The following AKTIP variants were observed in gnomAD, a reference collection of about 807,000 sequenced individuals.
AKTIP encodes AKT-interacting protein.
In AKTIP, 16 loss-of-function variants were observed where a neutral mutation model predicts 39.1. The observed-to-expected ratio is 0.41, with a 90% CI of 0.28 to 0.62. AKTIP has a LOEUF of 0.62. Among genes scored for constraint, AKTIP ranks in the 20% least tolerant of loss-of-function variants. The pLI, the probability that AKTIP is intolerant of heterozygous loss-of-function variation, is 0.32. For synonymous variants in AKTIP, 93 were observed against 124.3 expected (o/e 0.75, Z 1.67); for missense variants, 262 against 356.6 (o/e 0.73, Z 2.14).
At chr16:53,492,813 T>G (rs1961574192) in intron 8 of AKTIP, 60 bp from the exon 9 acceptor site, 2 of 1,515,966 alleles carry the variant, frequency 1.3e-6, no homozygotes, top group South Asian at 1.1e-5. Context: ...TCTATAACAT[T>G]CATTTTGCAG....
chr16:53,498,737 C>A lies in AKTIP; in HGVS notation c.43-141G>T, dbSNP rs1961991484. The A allele has an allele frequency of 4.8e-6, 4 of 836,610 alleles. No individual in the cohort carries two copies. The East Asian group carries it at 7.7e-5, about 16-fold the overall frequency. The allele number at this position is 836,610 out of a possible 1,614,324, so 51.8% of individuals were successfully genotyped here. ...ACCATGACCAAGATGACTAGAAAGT[C>A]CTTTGGGCAGGCAGGTCATATAAAG... On this transcript the variant is annotated intron_variant, in intron 2 of 9. Transcript: ENST00000394657.
intron 5 of AKTIP, 127 bp downstream of exon 5, chr16:53,494,943 TCCC>T (rs1291482621): frequency 5.8e-6 from 5 of 868,400 alleles, no homozygotes; most frequent in Non-Finnish European, 7.7e-6. Flanking sequence ...AGCACAGAAG[TCCC>T]CCTGGACAAC....
rs770741588 is a variant in AKTIP, at chr16:53,492,770, G to C, written c.711-17C>G. ...GGAGAAAAGCTTAAGGAAGAGAAAA[G>C]TATTTAAAAACTATTTGTTGGCTCA... On this transcript the variant is annotated splice_polypyrimidine_tract_variant and intron_variant, in intron 8 of 9. Transcript: ENST00000394657. 4.3e-6 allele frequency: 7 copies of C among 1,610,142 alleles called. No homozygotes were observed. The South Asian group carries it at 5.5e-5, about 13-fold the overall frequency.
chr16:53,498,969 C>T (rs548186370), intron 2 of AKTIP, among the ~76,000 whole-genome samples: 1 of 152,354 alleles, frequency 6.6e-6, no homozygotes, highest in South Asian at 2.1e-4. Flanking sequence ...CCAGCACTTA[C>T]ATGCTACAGA....
chr16:53,497,756 T>C (rs145172788), intron 3 of AKTIP, among the ~76,000 whole-genome samples: 28 of 152,370 alleles, frequency 1.8e-4, no homozygotes, highest in African/African-American at 6.7e-4. Flanking sequence ...CCTAATCTAC[T>C]GTAGGTTCTT....
Position 53,493,031 on chromosome 16 carries a change from G to C in AKTIP, c.711-278C>G, listed in dbSNP as rs1397151716. On this transcript the variant is annotated intron_variant, in intron 8 of 9. Transcript: ENST00000394657. ...GTAAATTAATTGCTCTGGGTTACCA[G>C]AGCTAAAAAGTACAAAAGCCACGTA... 4.4e-5 allele frequency: 15 copies of C among 340,724 alleles called. No individual in the cohort carries two copies. In the Admixed American group the frequency reaches 5.9e-4, roughly 14 times the overall value. 21.1% of individuals were successfully genotyped at this position (340,724 alleles called of 1,614,324 possible). A position where few individuals can be genotyped will look rare whatever the true frequency, so the allele number is the denominator to read the frequency against.
chr16:53,498,049 A>G (rs1046350130), intron 3 of AKTIP, among the ~76,000 whole-genome samples: 5 of 152,242 alleles, frequency 3.3e-5, no homozygotes, highest in African/African-American at 9.6e-5. Context: ...TGCCCGGCCA[A>G]TCTACTGTAG....
At chr16:53,497,031 C>T (rs1170590365) in intron 3 of AKTIP, among the ~76,000 whole-genome samples, 1 of 151,986 alleles carries the variant, frequency 6.6e-6, no homozygotes, top group Non-Finnish European at 1.5e-5. Flanking sequence ...TCCTGGGTTC[C>T]AGTGATCCTC....
At chr16:53,501,103 C>T (rs887062677) in intron 1 of AKTIP, 4 of 152,198 alleles carry the variant, frequency 2.6e-5, no homozygotes, top group African/African-American at 4.8e-5. Flanking sequence ...TGCCTCAACT[C>T]ACCTGAGTAC....
upstream of AKTIP, among the ~76,000 whole-genome samples, chr16:53,504,156 GTC>G (rs1284203462): frequency 6.7e-6 from 1 of 149,872 alleles, no homozygotes; most frequent in East Asian, 2.0e-4. Context: ...TCCCATGGAG[GTC>G]TCTCTCTGGC....
At chr16:53,494,919 G>A (rs535793089) in intron 5 of AKTIP, 154 bp downstream of exon 5, 29 of 789,912 alleles carry the variant, frequency 3.7e-5, no homozygotes, top group African/African-American at 1.4e-4. Flanking sequence ...ATGGCATGCC[G>A]GAAGCTGCTG....
chr16:53,499,142 G>A (rs1157893766), intron 2 of AKTIP, among the ~76,000 whole-genome samples: 1 of 152,230 alleles, frequency 6.6e-6, no homozygotes, highest in African/African-American at 2.4e-5. Context: ...AATATCACCA[G>A]CATAAACTGT....
intron 1 of AKTIP, 81 bp downstream of exon 1, chr16:53,503,066 G>C (rs1017067537): frequency 1.1e-4 from 16 of 151,776 alleles, no homozygotes; most frequent in Non-Finnish European, 4.4e-5. Context: ...GACAAATGCC[G>C]GGCCCGTGGA....
intron 2 of AKTIP, 36 bp from the exon 3 acceptor site, chr16:53,498,632 A>T (rs937647310): frequency 1.3e-6 from 2 of 1,582,962 alleles, no homozygotes; most frequent in Non-Finnish European, 1.7e-6. Flanking sequence ...ATCTGTTAGG[A>T]TGATTCTTAA....
At chr16:53,499,621 A>C (rs1962050461) in intron 2 of AKTIP, among the ~76,000 whole-genome samples, 1 of 151,824 alleles carries the variant, frequency 6.6e-6, no homozygotes, top group African/African-American at 2.4e-5. Flanking sequence ...CACCATGCCC[A>C]GCTAATTTTT....
chr16:53,494,020 G>A, intron 8 of AKTIP, 118 bp downstream of exon 8: 1 of 743,426 alleles, frequency 1.3e-6, no homozygotes, highest in Non-Finnish European at 2.3e-6. Context: ...TATAAAGGTT[G>A]TAGGCTAACA....
chr16:53,494,953 C>T (rs1288523563), intron 5 of AKTIP, 120 bp downstream of exon 5: 2 of 933,800 alleles, frequency 2.1e-6, no homozygotes, highest in Admixed American at 1.9e-5. Flanking sequence ...TCCCCCTGGA[C>T]AACTACTGGG....
chr16:53,500,099 C>T, intron 2 of AKTIP, 119 bp downstream of exon 2: 2 of 682,608 alleles, frequency 2.9e-6, no homozygotes, highest in South Asian at 4.1e-5. Context: ...CTAGAAAAAC[C>T]AGGTAATTTT....
At chr16:53,493,860 C>A in intron 8 of AKTIP, 1 of 408,738 alleles carries the variant, frequency 2.4e-6, no homozygotes, top group South Asian at 3.8e-5. Context: ...AAAGAAGAGT[C>A]CTGACATGGG....
Sources: gnomAD v4.1 joint callset for allele counts (sites outside exome capture counted in the v4.1 genomes callset) on GRCh38, gnomAD v4.1.1 for gene constraint, MANE v1.5 for transcripts, NCBI Gene and HGNC (gene_info 2026-07-23, HGNC 2026-07-21) for gene names.